Variants in NTN4 observed in about 807,000 individuals in gnomAD.
The protein encoded by NTN4 is netrin 4, also known as netrin-4.
NTN4 carries 32 observed loss-of-function variants against 73.6 expected under a neutral mutation model. The ratio of observed to expected loss-of-function variants is 0.44; its 90% CI spans 0.33 to 0.58. The LOEUF (loss-of-function observed/expected upper bound fraction) is 0.58, where lower values mean the gene tolerates loss of function less well. NTN4 is among the 20% of genes least tolerant of loss of function. The pLI, the probability that NTN4 is intolerant of heterozygous loss-of-function variation, is 0.04. For missense variants in NTN4, 654 were observed against 798.3 expected, an observed-to-expected ratio of 0.82 and a Z score of 2.18; for synonymous variants, 258 against 287.5, an observed-to-expected ratio of 0.90 and a Z score of 1.04.
intron 1 of NTN4, among the ~76,000 whole-genome samples, chr12:95,787,756 A>G (rs1441359178): frequency 2.0e-5 from 3 of 152,218 alleles, no homozygotes; most frequent in African/African-American, 4.8e-5. Flanking sequence ...AGAGGGCAAG[A>G]GGAGGGAAAA....
At chr12:95,703,077 G>A (rs1015519119) in intron 5 of NTN4, among the ~76,000 whole-genome samples, 8 of 151,892 alleles carry the variant, frequency 5.3e-5, no homozygotes, top group African/African-American at 1.7e-4. Flanking sequence ...GGCTGGTCTC[G>A]AACTCCTGAC....
chr12:95,743,226 A>T (rs1220390603), intron 2 of NTN4, among the ~76,000 whole-genome samples: 1 of 152,186 alleles, frequency 6.6e-6, no homozygotes, highest in Non-Finnish European at 1.5e-5. Context: ...TACTAGACAC[A>T]TCCTCACATT....
intron 9 of NTN4, among the ~76,000 whole-genome samples, chr12:95,664,800 A>G (rs974712333): frequency 6.6e-6 from 1 of 151,916 alleles, no homozygotes; most frequent in African/African-American, 2.4e-5. Flanking sequence ...TTTAGTAGAG[A>G]TGGGGTTTCA....
chr12:95,733,753 G>T (rs966633397), intron 3 of NTN4, among the ~76,000 whole-genome samples: 1 of 152,028 alleles, frequency 6.6e-6, no homozygotes, highest in Non-Finnish European at 1.5e-5. Flanking sequence ...GAAACATGGG[G>T]GGAAGGTGAT....
intron 2 of NTN4, among the ~76,000 whole-genome samples, chr12:95,741,463 A>ATATATG (rs2078825577): frequency 8.3e-6 from 1 of 119,836 alleles, no homozygotes; most frequent in East Asian, 2.3e-4. Context: ...ATATATATAT[A>ATATATG]TATATATATA....
rs188853523 is a variant in NTN4 at position 95,716,834 on chromosome 12, G to A, written c.865-3496C>T. Among the ~76,000 whole-genome samples, 287 of 152,006 alleles carry A rather than the reference G, an allele frequency of 1.9e-3. 2 individuals are homozygous for A. Among genetic ancestry groups the A allele is most frequent in the African/African-American group, 6.6e-3 (275 of 41,450 alleles). ...TTATTTTTAATTTTTTTTAGAGACA[G>A]GGTCTTGCTTTGTTGCTCAGGCTGA... is the stretch of plus-strand genomic sequence containing the variant. On this transcript the variant is annotated intron_variant, in intron 3 of 9. Transcript: ENST00000343702.
chr12:95,673,838 A>G (rs541656121), intron 7 of NTN4: 24 of 152,290 alleles, frequency 1.6e-4, no homozygotes, highest in African/African-American at 5.8e-4. Context: ...CATGGCAGTA[A>G]AATGCCTCTT....
chr12:95,680,956 G>A (rs189629251), intron 7 of NTN4, among the ~76,000 whole-genome samples: 58 of 152,160 alleles, frequency 3.8e-4, no homozygotes, highest in Non-Finnish European at 6.3e-4. Flanking sequence ...ATGGGAGGCC[G>A]AGGTGGGTGG....
Position 95,706,612 on chromosome 12 carries a change from C to T in NTN4, c.1180+3829G>A, listed in dbSNP as rs543106428. Among the ~76,000 whole-genome samples the T allele has an allele frequency of 4.0e-4, 61 of 152,076 alleles. No individual in the cohort carries two copies. The South Asian group carries it at 0.012, about 29-fold the overall frequency. On this transcript the variant is annotated intron_variant, in intron 5 of 9. Transcript: ENST00000343702. ...TCCTAGTACCCTAGAAAATAAATAC[C>T]AACATTTTTAGGTTGGCAGTTAAGG...
At chr12:95,787,661 T>C (rs1319196934) in intron 1 of NTN4, among the ~76,000 whole-genome samples, 193 bp from the exon 2 acceptor site, 2 of 152,204 alleles carry the variant, frequency 1.3e-5, no homozygotes, top group Non-Finnish European at 2.9e-5. Context: ...TGCATTCGTG[T>C]ATGCGTGTGT....
At chr12:95,728,072 A>T (rs2078708706) in intron 3 of NTN4, among the ~76,000 whole-genome samples, 1 of 151,652 alleles carries the variant, frequency 6.6e-6, no homozygotes, top group Non-Finnish European at 1.5e-5. Context: ...TGTAAATGAG[A>T]TTTTCTTAAT....
intron 5 of NTN4, among the ~76,000 whole-genome samples, chr12:95,702,128 A>C (rs1385072394): frequency 6.6e-6 from 1 of 151,856 alleles, no homozygotes; most frequent in African/African-American, 2.4e-5. Flanking sequence ...AAAAATACAA[A>C]AATTAGCTGG....
intron 7 of NTN4, chr12:95,670,887 T>C (rs1356923024): frequency 6.6e-6 from 1 of 151,100 alleles, no homozygotes; most frequent in Admixed American, 6.6e-5. Context: ...ATTGCCACTA[T>C]TACATGTGAG....
intron 3 of NTN4, among the ~76,000 whole-genome samples, chr12:95,714,388 T>C (rs1007059635): frequency 1.3e-5 from 2 of 152,044 alleles, no homozygotes; most frequent in African/African-American, 4.8e-5. Context: ...TAAGAGGTTT[T>C]ATATTTTTTC....
At position 95,787,581 on chromosome 12, in the gene NTN4, G is replaced by A. The variant is rs111957601; in HGVS notation, c.56-113C>T. ...CTCCCCAAAAGCGCTTGAGACTTTC[G>A]ATAAATGGCAAATTCTACCATGCTC... On this transcript the variant is annotated intron_variant, in intron 1 of 9. Coordinates refer to ENST00000343702, the MANE Select transcript of NTN4 (RefSeq NM_021229.4). The A allele has an allele frequency of 1.3e-5, 12 of 956,050 alleles. 1 individual carries two copies. Among genetic ancestry groups the A allele is most frequent in the African/African-American group, 4.9e-5 (3 of 61,268 alleles). The allele number at this position is 956,050 out of a possible 1,614,324, so 59.2% of individuals were successfully genotyped here.
At chr12:95,752,594 C>A (rs369127250) in intron 2 of NTN4, among the ~76,000 whole-genome samples, 1 of 152,058 alleles carries the variant, frequency 6.6e-6, no homozygotes, top group South Asian at 2.1e-4. Flanking sequence ...TTACCTATCT[C>A]GGCATAATTC....
intron 2 of NTN4, among the ~76,000 whole-genome samples, chr12:95,754,764 GC>G (rs1229888792): frequency 3.3e-5 from 5 of 151,988 alleles, no homozygotes; most frequent in Admixed American, 3.3e-4. Flanking sequence ...CTATAAAACG[GC>G]CCCACCCCAT....
At position 95,682,693 on chromosome 12, in the gene NTN4, T is replaced by A. The variant is rs776279426; in HGVS notation, c.1510+14A>T. ...CAGACCTGAAAATATGATGCCTGGT[T>A]ACATCCATCTCACCTGAGTGTAGAA... On this transcript the variant is annotated intron_variant, in intron 7 of 9. Transcript: ENST00000343702. 1 of 1,557,502 alleles carries A rather than the reference T, an allele frequency of 6.4e-7. No homozygotes were observed. The highest frequency in any genetic ancestry group is 1.7e-5 in the Admixed American group (1 of 59,708).
chr12:95,663,461 T>A (rs2078154148), intron 9 of NTN4: 1 of 152,256 alleles, frequency 6.6e-6, no homozygotes. Flanking sequence ...GTGCTAGTTT[T>A]GGTGTTCTAA....
Sources: allele counts gnomAD v4.1 joint callset (sites outside exome capture counted in the v4.1 genomes callset), GRCh38; gene constraint gnomAD v4.1.1; transcripts MANE v1.5; gene names NCBI Gene and HGNC (gene_info 2026-07-23, HGNC 2026-07-21).